The following ANKS1B variants were observed in gnomAD, a reference collection of about 807,000 sequenced individuals.
ANKS1B encodes ankyrin repeat and sterile alpha motif domain-containing protein 1B.
In ANKS1B, 36 loss-of-function variants were observed where a neutral mutation model predicts 148.3. The ratio of observed to expected loss-of-function variants is 0.24; its 90% CI spans 0.19 to 0.32. The LOEUF is 0.32. Ranked by LOEUF, ANKS1B falls within the 10% of genes least tolerant of loss-of-function variation. The pLI, the probability that ANKS1B is intolerant of heterozygous loss-of-function variation, is 1.00. For missense variants in ANKS1B, 1,157 were observed against 1,542.6 expected (o/e 0.75, Z 4.19); for synonymous variants, 542 against 560.8 (o/e 0.97, Z 0.47).
intron 16 of ANKS1B, among the ~76,000 whole-genome samples, chr12:99,078,034 G>A (rs1215360905): frequency 1.3e-5 from 2 of 152,090 alleles, no homozygotes; most frequent in African/African-American, 4.8e-5. Flanking sequence ...GGGTGAGGAG[G>A]GGCAGGACTT....
At chr12:98,774,533 C>T (rs1023107546) in intron 24 of ANKS1B, among the ~76,000 whole-genome samples, 1 of 152,182 alleles carries the variant, frequency 6.6e-6, no homozygotes, top group African/African-American at 2.4e-5. Flanking sequence ...TTCACATAAT[C>T]TTGCAATCAT....
intron 18 of ANKS1B, 121 bp downstream of exon 18, chr12:98,831,908 C>A: frequency 4.5e-6 from 4 of 885,804 alleles, no homozygotes; most frequent in South Asian, 1.4e-5. Context: ...CACAACCACA[C>A]CTGGCTAAAT....
At chr12:99,590,644 ACT>A (rs2097693895) in intron 9 of ANKS1B, among the ~76,000 whole-genome samples, 1 of 152,200 alleles carries the variant, frequency 6.6e-6, no homozygotes, top group Non-Finnish European at 1.5e-5. Flanking sequence ...TTTAAAATAA[ACT>A]CTAAAGAAAG....
chr12:99,763,549 G>T (rs2062360867), intron 8 of ANKS1B, among the ~76,000 whole-genome samples: 1 of 151,716 alleles, frequency 6.6e-6, no homozygotes, highest in African/African-American at 2.4e-5. Context: ...CTACATATTG[G>T]GTACTATGCT....
intron 12 of ANKS1B, among the ~76,000 whole-genome samples, chr12:99,384,792 T>C (rs1435041264): frequency 6.6e-6 from 1 of 152,238 alleles, no homozygotes; most frequent in Non-Finnish European, 1.5e-5. Context: ...ACTATGTTCA[T>C]ATTGTACTTA....
intron 1 of ANKS1B, among the ~76,000 whole-genome samples, chr12:99,942,073 C>A (rs1279516804): frequency 6.6e-6 from 1 of 152,034 alleles, no homozygotes; most frequent in Non-Finnish European, 1.5e-5. Context: ...AAATTGAGAG[C>A]AGACAAGGTA....
At chr12:99,167,356 A>C (rs1469217727) in intron 14 of ANKS1B, among the ~76,000 whole-genome samples, 2 of 152,168 alleles carry the variant, frequency 1.3e-5, no homozygotes, top group African/African-American at 2.4e-5. Flanking sequence ...ATGTATATCC[A>C]GAATATATAA....
At chr12:99,941,728 T>C (rs2094924670) in intron 1 of ANKS1B, among the ~76,000 whole-genome samples, 1 of 152,136 alleles carries the variant, frequency 6.6e-6, no homozygotes, top group African/African-American at 2.4e-5. Flanking sequence ...AGCATTTAAG[T>C]TGAATTTTAA....
At chr12:99,825,215 T>A in intron 2 of ANKS1B, 94 bp downstream of exon 2, 1 of 1,061,430 alleles carries the variant, frequency 9.4e-7, no homozygotes, top group Non-Finnish European at 1.4e-6. Context: ...CCCATTGGAC[T>A]CACAGAGACA....
At chr12:99,286,233 C>T (rs564101089) in intron 12 of ANKS1B, among the ~76,000 whole-genome samples, 1 of 151,756 alleles carries the variant, frequency 6.6e-6, no homozygotes, top group African/African-American at 2.4e-5. Context: ...GGACAGGGCA[C>T]CAGGGAGAGT....
chr12:98,968,625 T>C (rs1318367804), intron 17 of ANKS1B, among the ~76,000 whole-genome samples: 2 of 152,130 alleles, frequency 1.3e-5, no homozygotes, highest in African/African-American at 4.8e-5. Context: ...ATCTAACCCT[T>C]CACCTTTCTC....
chr12:99,197,322 T>C (rs1297578357), intron 14 of ANKS1B, among the ~76,000 whole-genome samples: 1 of 152,200 alleles, frequency 6.6e-6, no homozygotes, highest in Non-Finnish European at 1.5e-5. Context: ...ATTTCTTGGA[T>C]TGGCCTCTGC....
At chr12:99,479,171 G>A (rs1212856025) in intron 10 of ANKS1B, among the ~76,000 whole-genome samples, 1 of 151,934 alleles carries the variant, frequency 6.6e-6, no homozygotes, top group Non-Finnish European at 1.5e-5. Context: ...ATATAACCAA[G>A]TTTTTCTAAA....
chr12:99,247,961 T>C (rs879589885), intron 12 of ANKS1B, among the ~76,000 whole-genome samples: 1 of 152,222 alleles, frequency 6.6e-6, no homozygotes, highest in Non-Finnish European at 1.5e-5. Flanking sequence ...AGTAAGTTAA[T>C]TATTACCATA....
intron 8 of ANKS1B, among the ~76,000 whole-genome samples, chr12:99,758,107 G>C (rs2061739659): frequency 6.6e-6 from 1 of 151,784 alleles, no homozygotes; most frequent in African/African-American, 2.4e-5. Flanking sequence ...AAAAAGTAAG[G>C]CTCTCATTGA....
chr12:98,809,418 CA>C (rs1228332825), intron 19 of ANKS1B, among the ~76,000 whole-genome samples: 1 of 152,222 alleles, frequency 6.6e-6, no homozygotes, highest in Non-Finnish European at 1.5e-5. Context: ...ATTCTTTACA[CA>C]AATCACATCT....
intron 17 of ANKS1B, among the ~76,000 whole-genome samples, chr12:98,930,948 C>G (rs1350917109): frequency 6.6e-6 from 1 of 151,974 alleles, no homozygotes; most frequent in East Asian, 1.9e-4. Flanking sequence ...ATGGTTTTCA[C>G]CTCCCTTTTT....
chr12:98,921,258 G>C (rs767414238), intron 17 of ANKS1B, among the ~76,000 whole-genome samples: 6 of 152,006 alleles, frequency 3.9e-5, no homozygotes, highest in Non-Finnish European at 5.9e-5. Flanking sequence ...ATATGCCAAG[G>C]ATGCACCCAA....
intron 9 of ANKS1B, among the ~76,000 whole-genome samples, chr12:99,621,973 A>G (rs1300666229): frequency 6.6e-6 from 1 of 152,092 alleles, no homozygotes; most frequent in Non-Finnish European, 1.5e-5. Flanking sequence ...CTACACATGG[A>G]ACTTACTCCA....
Sources: allele counts gnomAD v4.1 joint callset (sites outside exome capture counted in the v4.1 genomes callset), GRCh38; gene constraint gnomAD v4.1.1; transcripts MANE v1.5; gene names NCBI Gene and HGNC (gene_info 2026-07-23, HGNC 2026-07-21).